VWF: variants seen among roughly 807,000 people sequenced by gnomAD.
VWF encodes Factor VIII related antigen.
A neutral mutation model predicts 308.6 loss-of-function variants in VWF; 176 were observed. The ratio of observed to expected loss-of-function variants is 0.57; its 90% confidence interval spans 0.50 to 0.65. The LOEUF (loss-of-function observed/expected upper bound fraction) is 0.65. VWF is among the 30% of genes least tolerant of loss of function. VWF has a pLI of 0.00. For synonymous variants in VWF, 1,385 were observed against 1,443.4 expected (o/e 0.96, Z 0.92); for missense variants, 3,146 against 3,648.2 (o/e 0.86, Z 3.55).
At chr12:6,001,951 T>C (rs1327522520) in intron 34 of VWF, among the ~76,000 whole-genome samples, 2 of 152,110 alleles carry the variant, frequency 1.3e-5, no homozygotes, top group Non-Finnish European at 2.9e-5. Context: ...TCTTTACACT[T>C]GGAAATTTTT....
intron 5 of VWF, among the ~76,000 whole-genome samples, chr12:6,105,868 C>A (rs1945238110): frequency 6.6e-6 from 1 of 150,934 alleles, no homozygotes. Flanking sequence ...AACCCCATCT[C>A]TACTAAAAAT....
intron 28 of VWF, 48 bp downstream of exon 28, chr12:6,018,317 G>A (rs1328220778): frequency 2.5e-6 from 4 of 1,578,946 alleles, no homozygotes; most frequent in Non-Finnish European, 3.4e-6. Context: ...CCAAGGCCAT[G>A]CCAGCCCTCG....
intron 16 of VWF, 138 bp downstream of exon 16, chr12:6,052,405 T>G: frequency 9.0e-6 from 12 of 1,338,424 alleles, no homozygotes; most frequent in Non-Finnish European, 1.3e-5. Context: ...CGCTTCTGAC[T>G]TGCTGTACAG....
intron 38 of VWF, among the ~76,000 whole-genome samples, chr12:5,986,094 CATCACATTCTTGAT>C (rs1943677419): frequency 6.6e-6 from 1 of 151,832 alleles, no homozygotes; most frequent in Non-Finnish European, 1.5e-5. Flanking sequence ...CTCTTGAAAG[CATCACATTCTTGAT>C]GCCCGCAGTG....
intron 6 of VWF, among the ~76,000 whole-genome samples, chr12:6,079,858 C>A (rs1162406842): frequency 3.3e-5 from 5 of 152,166 alleles, no homozygotes; most frequent in Non-Finnish European, 5.9e-5. Flanking sequence ...GCTCAGCCTT[C>A]ATGATCTGAC....
At chr12:6,005,736 G>A (rs892200889) in intron 34 of VWF, among the ~76,000 whole-genome samples, 2 of 152,040 alleles carry the variant, frequency 1.3e-5, no homozygotes, top group African/African-American at 4.8e-5. Context: ...AGAAAACAAC[G>A]GGCAGCCAAG....
chr12:6,030,896 G>A (rs1413918982), intron 21 of VWF, among the ~76,000 whole-genome samples: 1 of 152,114 alleles, frequency 6.6e-6, no homozygotes, highest in Non-Finnish European at 1.5e-5. Context: ...GGGCACGGTG[G>A]TGTACACCTG....
intron 3 of VWF, among the ~76,000 whole-genome samples, chr12:6,112,387 T>C (rs1248007012): frequency 2.0e-5 from 3 of 152,136 alleles, no homozygotes; most frequent in Non-Finnish European, 4.4e-5. Flanking sequence ...AGATAACTAA[T>C]TGGTCATAAG....
In VWF at chr12:6,073,682, A is replaced by C; in HGVS notation, c.934T>G (p.Cys312Gly). 6.2e-7 allele frequency: 1 copy of C among 1,614,140 alleles called. No homozygotes were observed. Among genetic ancestry groups the C allele is most frequent in the Non-Finnish European group, 8.5e-7 (1 of 1,180,030 alleles). ...ATTTCATTGATGTGCAGGCTCTGGC[A>C]GGTCCTGGCGCAAGGGGACACACAC... ...RQCVSPCART[C>G]QSLHINEMCQ... Residue 312 changes from cysteine (C) to glycine (G), a missense_variant, in exon 8 of 52, where the codon TGC becomes GGC. Cys to Gly is a radical substitution (Grantham distance 159, BLOSUM62 -3). Around this residue, in one of 3 missense-constraint regions of VWF, gnomAD observed 1,304 missense variants for 1,353.0 expected, o/e 0.96. Coordinates refer to ENST00000261405, the MANE Select transcript of VWF (RefSeq NM_000552.5).
At chr12:6,061,078 G>A (rs1944649724) in intron 13 of VWF, among the ~76,000 whole-genome samples, 2 of 152,174 alleles carry the variant, frequency 1.3e-5, no homozygotes, top group African/African-American at 4.8e-5. Flanking sequence ...GTGGGCACCT[G>A]TAATCTCAGC....
chr12:5,969,991 G>C (rs1943452512), intron 44 of VWF, among the ~76,000 whole-genome samples: 1 of 152,326 alleles, frequency 6.6e-6, no homozygotes, highest in East Asian at 1.9e-4. Context: ...GTGTCGGCCA[G>C]CACCCAGATA....
chr12:5,974,369 C>T (rs528691547), intron 43 of VWF, among the ~76,000 whole-genome samples: 7 of 152,292 alleles, frequency 4.6e-5, no homozygotes, highest in African/African-American at 9.6e-5. Context: ...AGCAATCACA[C>T]GGTCAAGAGT....
In VWF at chr12:6,019,033, G is replaced by C. The variant is rs1944097312; in HGVS notation, c.4385C>G (p.Pro1462Arg). ...GGGCAGAGTAGGAGGAGGGGCTTCAGGGGCAAGGTCACAGAGGTAGCTAAC... is the reference window on the plus strand; with the variant it reads ...GGGCAGAGTAGGAGGAGGGGCTTCACGGGCAAGGTCACAGAGGTAGCTAAC... ...EIVSYLCDLA[P>R]EAPPPTLPPD... The change falls in exon 28 of 52, where the codon CCT becomes CGT. Residue 1462 changes from proline to arginine, a missense_variant. By Grantham distance (103) the Pro-to-Arg change is moderately radical. Coordinates refer to ENST00000261405, the MANE Select transcript of VWF (RefSeq NM_000552.5). This position sits in a 1 kb window ranked among gnomAD's most constrained non-coding sequence, Gnocchi z 5.8. 1 of 1,613,920 alleles carries C rather than the reference G, an allele frequency of 6.2e-7. No homozygotes were observed. Among genetic ancestry groups the C allele is most frequent in the Non-Finnish European group, 8.5e-7 (1 of 1,179,864 alleles).
intron 16 of VWF, among the ~76,000 whole-genome samples, chr12:6,049,802 G>C (rs1319082243): frequency 6.6e-6 from 1 of 152,258 alleles, no homozygotes; most frequent in African/African-American, 2.4e-5. Context: ...TCCTGCAGAG[G>C]AGGTCCTTAC....
intron 18 of VWF, among the ~76,000 whole-genome samples, chr12:6,040,572 T>G (rs11064004): frequency 0.24 from 36,196 of 152,154 alleles, 4,684 homozygotes; most frequent in Non-Finnish European, 0.29. Context: ...GACGCCAAGA[T>G]GTTAAGTGAC....
At position 6,075,678 on chromosome 12, in the gene VWF, C is replaced by T; in HGVS notation, c.658-127G>A. The T allele has an allele frequency of 6.1e-6, 6 of 981,432 alleles. No individual in the cohort carries two copies. Among genetic ancestry groups the T allele is most frequent in the Non-Finnish European group, 9.5e-6 (6 of 633,344 alleles). 60.8% of individuals were successfully genotyped at this position (981,432 alleles called of 1,614,324 possible). Reference sequence around the variant, plus strand: ...GCACCTGGGACAGGCTGGCACCAAGCACATGCATGTGTTCAATGCACCAGC... The same window carrying T: ...GCACCTGGGACAGGCTGGCACCAAGTACATGCATGTGTTCAATGCACCAGC... On this transcript the variant is annotated intron_variant, in intron 6 of 51. Transcript: ENST00000261405. The surrounding 1 kb of genome is among the most constrained non-coding windows in gnomAD (Gnocchi z 4.7).
At position 6,016,250 on chromosome 12, in the gene VWF, A is replaced by T; in HGVS notation, c.5312-18T>A. On this transcript the variant is annotated intron_variant, in intron 30 of 51. Coordinates refer to ENST00000261405, the MANE Select transcript of VWF (RefSeq NM_000552.5). Reference sequence around the variant, plus strand: ...GGCATCCCCTGAGGATGGAGAACAGATCACGCCAAGTCAGTACTGACTGCG... The same window carrying T: ...GGCATCCCCTGAGGATGGAGAACAGTTCACGCCAAGTCAGTACTGACTGCG... 1.2e-6 allele frequency: 2 copies of T among 1,614,198 alleles called. No individual in the cohort carries two copies. Among genetic ancestry groups the T allele is most frequent in the South Asian group, 1.1e-5 (1 of 91,076 alleles).
intron 10 of VWF, among the ~76,000 whole-genome samples, chr12:6,065,736 G>A (rs901996535): frequency 6.6e-6 from 1 of 152,188 alleles, no homozygotes; most frequent in Non-Finnish European, 1.5e-5. Context: ...AGTGTGGAGA[G>A]GCTCTGGGAA....
intron 8 of VWF, among the ~76,000 whole-genome samples, chr12:6,073,380 C>A (rs1394523069): frequency 3.9e-5 from 6 of 152,214 alleles, no homozygotes; most frequent in Non-Finnish European, 7.3e-5. Context: ...GGGGCCCAGG[C>A]CACCCTCCAA....
Sources: allele counts gnomAD v4.1 joint callset (sites outside exome capture counted in the v4.1 genomes callset), GRCh38; gene constraint gnomAD v4.1.1; regional missense constraint gnomAD v4.1.1; non-coding constraint Gnocchi (gnomAD v3.1); transcripts MANE v1.5; gene names NCBI Gene and HGNC (gene_info 2026-07-23, HGNC 2026-07-21).